The following DCLRE1A variants were observed in gnomAD, a reference collection of about 807,000 sequenced individuals.
DCLRE1A encodes the protein DNA cross-link repair 1A, also known as DNA cross-link repair 1A protein.
In DCLRE1A, 64 loss-of-function variants were observed where a neutral mutation model predicts 91.9. That is an observed-to-expected ratio of 0.70 (90% CI 0.57 to 0.86). DCLRE1A has a LOEUF of 0.86. DCLRE1A is among the 40% of genes least tolerant of loss of function. DCLRE1A has a pLI of 0.00. For missense variants in DCLRE1A, 1,145 were observed against 1,213.3 expected (o/e 0.94, Z 0.84); for synonymous variants, 416 against 431.1 (o/e 0.96, Z 0.43).
rs761893551 is a variant in DCLRE1A at position 113,849,026 on chromosome 10, T to C, written c.2079A>G (p.Val693=). ...GACATGTCTTTTTTCTTGATCCTCC[T>C]ACATTAGATGACTCTGGGATTTTCT... ...GNKKIPESSN[V]GGSRKKTCPF... The change falls in exon 2 of 9, where the codon GTA becomes GTG. Residue 693 remains valine, a synonymous_variant. Coordinates refer to ENST00000361384, the MANE Select transcript of DCLRE1A (RefSeq NM_014881.5). The C allele has an allele frequency of 4.3e-6, 7 of 1,614,132 alleles. No individual in the cohort carries two copies. The highest frequency in any genetic ancestry group is 5.1e-6 in the Non-Finnish European group (6 of 1,179,992).
At position 113,852,888 on chromosome 10, in the gene DCLRE1A, CT is replaced by C; in HGVS notation, c.294del (p.Gly99GlufsTer34). The C allele has an allele frequency of 6.2e-7, 1 of 1,614,136 alleles. No individual in the cohort carries two copies. The highest frequency in any genetic ancestry group is 1.1e-5 in the South Asian group (1 of 91,088). On this transcript the variant is annotated frameshift_variant, in exon 1 of 9. Transcript: ENST00000361384. LOFTEE classifies it high-confidence loss of function. ...IQQTQDKETTPGKLCRTQKSQ... is the reference protein window; with the variant it reads ...IQQTQDKETTXGKLCRTQKSQ... ...CTTTTTTGAGTTCTACAGAGTTTTC[CT>C]GGAGTAGTTTCCTTGTCTTGGGTCT... is the stretch of plus-strand genomic sequence containing the variant.
intron 6 of DCLRE1A, 80 bp downstream of exon 6, chr10:113,842,263 T>A: frequency 8.4e-7 from 1 of 1,193,784 alleles, no homozygotes; most frequent in Admixed American, 2.3e-5. Context: ...AATGCAAGAG[T>A]AGAAACTGAA....
Position 113,850,504 on chromosome 10 carries a change from T to G in DCLRE1A, c.601A>C (p.Thr201Pro). ...AGGCTACAAAGGACGCCTGACTTAG[T>G]CTCACTGAAACTGCCACCTGACGCA... Reference protein sequence around the residue: ...SPASGGSFSETKSGVLCSLEE... With the variant: ...SPASGGSFSEPKSGVLCSLEE... The change falls in exon 2 of 9, where the codon ACT (threonine) becomes CCT (proline). Residue 201 changes from threonine (T) to proline (P), a missense_variant. Transcript: ENST00000361384. 6.2e-7 allele frequency: 1 copy of G among 1,614,104 alleles called. No individual in the cohort carries two copies. The highest frequency in any genetic ancestry group is 1.6e-4 in the Middle Eastern group (1 of 6,062).
rs1017866291 is a variant in DCLRE1A, at chr10:113,853,985, G to C, written c.-803C>G. The C allele has an allele frequency of 6.6e-6, 1 of 152,262 alleles. No homozygotes were observed. The highest frequency in any genetic ancestry group is 2.1e-4 in the South Asian group (1 of 4,828). The allele number at this position is 152,262 out of a possible 1,614,324, so 9.4% of individuals were successfully genotyped here. ...CCCTCTGTCCACCTGACTCAAAACG[G>C]GGTCACACGCCAGCCTCTCCCTTAT... On this transcript the variant is annotated 5_prime_UTR_variant, in exon 1 of 9. Transcript: ENST00000361384.
chr10:113,844,897 T>C (rs1187026294), intron 4 of DCLRE1A, among the ~76,000 whole-genome samples: 1 of 151,044 alleles, frequency 6.6e-6, no homozygotes, highest in African/African-American at 2.4e-5. Flanking sequence ...GGCTGTGCCA[T>C]TGCACTCCAA....
chr10:113,844,765 G>A (rs1161553671), intron 4 of DCLRE1A, among the ~76,000 whole-genome samples: 9 of 151,882 alleles, frequency 5.9e-5, no homozygotes, highest in African/African-American at 1.9e-4. Flanking sequence ...GCAAAATCCC[G>A]TCTCTGCTAA....
At position 113,852,972 on chromosome 10, in the gene DCLRE1A, C is replaced by T; in HGVS notation, c.211G>A (p.Gly71Ser). The change falls in exon 1 of 9, where the codon GGT becomes AGT. Residue 71 changes from glycine (G) to serine (S), a missense_variant. Transcript: ENST00000361384. The part of the protein sequence containing the change: ...KDHEVPLGNA[G>S]CQTSVASSQN... The stretch of plus-strand genomic sequence containing the variant: ...CTAGAAGCAACAGAAGTCTGACAAC[C>T]TGCATTTCCAAGGGGCACTTCATGG... The T allele has an allele frequency of 6.2e-7, 1 of 1,614,194 alleles. No homozygotes were observed. Among genetic ancestry groups the T allele is most frequent in the South Asian group, 1.1e-5 (1 of 91,084 alleles).
Position 113,853,414 on chromosome 10 carries a change from T to A in DCLRE1A, c.-232A>T, listed in dbSNP as rs545859040. On this transcript the variant is annotated 5_prime_UTR_variant, in exon 1 of 9. Coordinates refer to ENST00000361384, the MANE Select transcript of DCLRE1A (RefSeq NM_014881.5). The stretch of plus-strand genomic sequence containing the variant: ...CATTTATACCACAATGAAACTAAGA[T>A]AAACCTATCACAGGAGTAGCAACTG... 2.3e-6 allele frequency: 1 copy of A among 434,420 alleles called. No individual in the cohort carries two copies. Among genetic ancestry groups the A allele is most frequent in the Non-Finnish European group, 4.0e-6 (1 of 247,312 alleles). The allele number at this position is 434,420 out of a possible 1,614,324, so 26.9% of individuals were successfully genotyped here.
chr10:113,845,063 A>G (rs568730469), intron 4 of DCLRE1A, among the ~76,000 whole-genome samples: 28 of 152,290 alleles, frequency 1.8e-4, no homozygotes, highest in Admixed American at 1.6e-3. Flanking sequence ...ACCTAGATTT[A>G]GTCTTCTTTC....
chr10:113,838,387 A>T (rs1564841439), intron 7 of DCLRE1A, among the ~76,000 whole-genome samples: 2 of 152,156 alleles, frequency 1.3e-5, no homozygotes, highest in Non-Finnish European at 2.9e-5. Context: ...GTCCATTCCT[A>T]TTTGTCTCTG....
intron 2 of DCLRE1A, among the ~76,000 whole-genome samples, chr10:113,848,247 G>A (rs1845573962): frequency 6.6e-6 from 1 of 152,270 alleles, no homozygotes; most frequent in Admixed American, 6.5e-5. Flanking sequence ...AACTCGGGAG[G>A]TGGAGCTTGC....
At position 113,849,883 on chromosome 10, in the gene DCLRE1A, C is replaced by A; in HGVS notation, c.1222G>T (p.Val408Leu). The A allele has an allele frequency of 1.2e-6, 2 of 1,613,954 alleles. No homozygotes were observed. The highest frequency in any genetic ancestry group is 2.2e-5 in the South Asian group (2 of 91,084). ...YDLACTGGDF[V>L]LFPPALAGKL... ...CCTGCCAATGCAGGTGGAAACAACA[C>A]AAAATCACCACCAGTACATGCCAGA... The change falls in exon 2 of 9, where the codon GTG becomes TTG. Residue 408 changes from valine (V) to leucine (L), a missense_variant. Val to Leu is a conservative substitution (Grantham distance 32). Transcript: ENST00000361384.
At chr10:113,841,335 T>C in intron 7 of DCLRE1A, 71 bp downstream of exon 7, 2 of 1,544,820 alleles carry the variant, frequency 1.3e-6, no homozygotes, top group Admixed American at 2.0e-5. Flanking sequence ...TTCCTCTAAG[T>C]TAAATGAAGC....
In DCLRE1A at chr10:113,853,287, ACAAAGGT is replaced by A; in HGVS notation, c.-112_-106del. The A allele has an allele frequency of 8.9e-7, 1 of 1,125,844 alleles. No homozygotes were observed. Among genetic ancestry groups the A allele is most frequent in the African/African-American group, 1.6e-5 (1 of 63,500 alleles). 69.7% of individuals were successfully genotyped at this position (1,125,844 alleles called of 1,614,324 possible). A position where few individuals can be genotyped will look rare whatever the true frequency, so the allele number is the denominator to read the frequency against. On this transcript the variant is annotated 5_prime_UTR_variant, in exon 1 of 9. Transcript: ENST00000361384. ...TAGAATTATTTTGCTGAGAAAAAAA[ACAAAGGT>A]AACAAAACCCCCACCAACTCAATGG...
At chr10:113,845,994 C>T (rs924638670) in intron 3 of DCLRE1A, among the ~76,000 whole-genome samples, 191 bp from the exon 4 acceptor site, 9 of 152,162 alleles carry the variant, frequency 5.9e-5, no homozygotes, top group Non-Finnish European at 1.2e-4. Flanking sequence ...TCACTGACTT[C>T]GCCTCATCTG....
Position 113,849,098 on chromosome 10 carries a change from G to A in DCLRE1A, c.2007C>T (p.Val669=). 2 of 1,614,044 alleles carry A rather than the reference G, an allele frequency of 1.2e-6. No homozygotes were observed. Among genetic ancestry groups the A allele is most frequent in the Non-Finnish European group, 1.7e-6 (2 of 1,179,998 alleles). The change falls in exon 2 of 9, where the codon GTC becomes GTT. Residue 669 remains valine, a synonymous_variant. Transcript: ENST00000361384. ...CATGAGCTGATTTTGTGAAGACTTT[G>A]ACTTTACTTAAATTGACTGCTTCAG... ...TESEAVNLSK[V]KVFTKSAHGG...
intron 6 of DCLRE1A, 102 bp from the exon 7 acceptor site, chr10:113,841,662 A>G (rs1422521635): frequency 6.6e-6 from 8 of 1,207,874 alleles, no homozygotes; most frequent in Non-Finnish European, 9.1e-6. Context: ...AATAAAAGGA[A>G]ATTCAAAACA....
chr10:113,847,205 A>G lies in DCLRE1A; in HGVS notation c.2256T>C (p.Ser752=), dbSNP rs1461952768. The G allele has an allele frequency of 6.2e-7, 1 of 1,601,438 alleles. No individual in the cohort carries two copies. The highest frequency in any genetic ancestry group is 8.5e-7 in the Non-Finnish European group (1 of 1,172,582). ...SKHFTFPVYC[S]EITGNLLKNK... ...AAGTTAGAATACTAAAACTTACCTCACTACAATAAACTGGAAATGTGAAGT... is the reference window on the plus strand; with the variant it reads ...AAGTTAGAATACTAAAACTTACCTCGCTACAATAAACTGGAAATGTGAAGT... Residue 752 remains serine (S), a synonymous_variant, in exon 3 of 9, where the codon AGT becomes AGC. Coordinates refer to ENST00000361384, the MANE Select transcript of DCLRE1A (RefSeq NM_014881.5).
Position 113,845,729 on chromosome 10 carries a change from T to G in DCLRE1A, c.2334A>C (p.Glu778Asp). The change falls in exon 4 of 9, where the codon GAA becomes GAC. Residue 778 changes from glutamate to aspartate, a missense_variant. Transcript: ENST00000361384. ...CAACTTTGACACCATTCACAATACA[T>G]TCAGTGTCCAGTGGCAATGGGTGAA... Reference protein sequence around the residue: ...QYIHPLPLDTECIVNGVKVVL... With the variant: ...QYIHPLPLDTDCIVNGVKVVL... 1 of 1,614,172 alleles carries G rather than the reference T, an allele frequency of 6.2e-7. No homozygotes were observed. The highest frequency in any genetic ancestry group is 1.3e-5 in the African/African-American group (1 of 75,064).
Sources: allele counts gnomAD v4.1 joint callset (sites outside exome capture counted in the v4.1 genomes callset), GRCh38; gene constraint gnomAD v4.1.1; transcripts MANE v1.5; gene names NCBI Gene and HGNC (gene_info 2026-07-23, HGNC 2026-07-21).